ADCY2: variants seen among roughly 807,000 people sequenced by gnomAD.
The protein encoded by ADCY2 is adenylate cyclase 2.
A neutral mutation model predicts 125.2 loss-of-function variants in ADCY2; 31 were observed. The observed-to-expected ratio is 0.25, with a 90% CI of 0.19 to 0.33. The LOEUF is 0.33. ADCY2 is among the 10% of genes least tolerant of loss of function. The pLI, the probability that ADCY2 is intolerant of heterozygous loss-of-function variation, is 1.00. For synonymous variants in ADCY2, 512 were observed against 548.4 expected (o/e 0.93, Z 0.93); for missense variants, 904 against 1,418.2 (o/e 0.64, Z 5.82).
chr5:7,660,273 A>AAGGAAGGAAGGC (rs1739480526), intron 4 of ADCY2, among the ~76,000 whole-genome samples: 1 of 151,042 alleles, frequency 6.6e-6, no homozygotes. Context: ...GGAAGGAAGG[A>AAGGAAGGAAGGC]AGGAAGGAAG....
chr5:7,563,872 G>C (rs1735806614), intron 3 of ADCY2, among the ~76,000 whole-genome samples: 2 of 152,144 alleles, frequency 1.3e-5, no homozygotes, highest in South Asian at 4.1e-4. Flanking sequence ...CATAAATATT[G>C]ATTGTGTGAG....
chr5:7,628,841 T>C (rs2126660859), intron 4 of ADCY2, among the ~76,000 whole-genome samples: 1 of 149,892 alleles, frequency 6.7e-6, no homozygotes, highest in South Asian at 2.1e-4. Context: ...AAAAAAACCA[T>C]CAGTAAGATA....
chr5:7,708,906 A>G (rs1193247421), intron 9 of ADCY2, among the ~76,000 whole-genome samples: 1 of 152,218 alleles, frequency 6.6e-6, no homozygotes, highest in East Asian at 1.9e-4. Context: ...AAACACAACC[A>G]TCAAGAAAAA....
chr5:7,501,094 G>A (rs945856298), intron 2 of ADCY2, among the ~76,000 whole-genome samples: 1 of 146,012 alleles, frequency 6.8e-6, no homozygotes, highest in Non-Finnish European at 1.5e-5. Flanking sequence ...TTTTTTGTTC[G>A]CAAGTAACAG....
intron 18 of ADCY2, among the ~76,000 whole-genome samples, chr5:7,781,532 C>T (rs956047634): frequency 6.6e-6 from 1 of 152,134 alleles, no homozygotes; most frequent in African/African-American, 2.4e-5. Flanking sequence ...CTAAGAAAAG[C>T]CAATGATGGC....
intron 18 of ADCY2, among the ~76,000 whole-genome samples, chr5:7,780,611 GAT>G (rs1461602154): frequency 1.3e-5 from 2 of 152,170 alleles, no homozygotes; most frequent in East Asian, 3.9e-4. Flanking sequence ...GACCTGAGAA[GAT>G]ATGATTTTAC....
intron 3 of ADCY2, among the ~76,000 whole-genome samples, chr5:7,547,125 T>C (rs938950523): frequency 6.6e-6 from 1 of 152,156 alleles, no homozygotes; most frequent in African/African-American, 2.4e-5. Context: ...AAATAGGATG[T>C]TCCTCAAGGG....
At chr5:7,723,459 C>T (rs1265250393) in intron 12 of ADCY2, among the ~76,000 whole-genome samples, 1 of 152,084 alleles carries the variant, frequency 6.6e-6, no homozygotes, top group East Asian at 1.9e-4. Flanking sequence ...AAATTACTTG[C>T]TGAAAACAGA....
intron 4 of ADCY2, among the ~76,000 whole-genome samples, chr5:7,633,229 G>A (rs1377005625): frequency 3.3e-5 from 5 of 151,922 alleles, no homozygotes; most frequent in African/African-American, 4.8e-5. Flanking sequence ...TCAGGAGTTT[G>A]AGACCAGCCT....
intron 4 of ADCY2, among the ~76,000 whole-genome samples, chr5:7,678,270 G>C (rs988000591): frequency 6.6e-6 from 1 of 152,058 alleles, no homozygotes; most frequent in Non-Finnish European, 1.5e-5. Flanking sequence ...CATGTCTTCT[G>C]TCATGGCGTG....
chr5:7,407,915 C>T (rs1739561232), intron 1 of ADCY2, among the ~76,000 whole-genome samples: 2 of 148,772 alleles, frequency 1.3e-5, no homozygotes, highest in South Asian at 4.3e-4. Context: ...GTCGATCCAG[C>T]TGGAGTACAG....
chr5:7,623,569 G>C (rs1738026551), intron 3 of ADCY2, among the ~76,000 whole-genome samples: 2 of 152,192 alleles, frequency 1.3e-5, no homozygotes, highest in South Asian at 4.1e-4. Context: ...AGCCAGGAAG[G>C]TCATCAGGGC....
At chr5:7,813,156 C>G (rs575819851) in intron 22 of ADCY2, among the ~76,000 whole-genome samples, 1 of 152,158 alleles carries the variant, frequency 6.6e-6, no homozygotes, top group South Asian at 2.1e-4. Flanking sequence ...CCTAGAAGCC[C>G]GTCAGGAGAA....
intron 14 of ADCY2, among the ~76,000 whole-genome samples, chr5:7,739,280 A>G (rs920618481): frequency 1.5e-4 from 23 of 151,920 alleles, no homozygotes; most frequent in Admixed American, 3.3e-4. Context: ...AGAATATTTT[A>G]AAATATCCCC....
At chr5:7,775,122 TCAG>T (rs1221366099) in intron 18 of ADCY2, among the ~76,000 whole-genome samples, 1 of 151,946 alleles carries the variant, frequency 6.6e-6, no homozygotes, top group Non-Finnish European at 1.5e-5. Flanking sequence ...TTTTCCTGCT[TCAG>T]CCTCTCTAGT....
At chr5:7,682,478 T>G (rs1740372485) in intron 4 of ADCY2, among the ~76,000 whole-genome samples, 1 of 152,192 alleles carries the variant, frequency 6.6e-6, no homozygotes, top group Admixed American at 6.5e-5. Context: ...ATGATGGTTT[T>G]ATAAATTCGA....
intron 2 of ADCY2, among the ~76,000 whole-genome samples, chr5:7,423,091 AAAATT>A (rs1740271559): frequency 6.6e-6 from 1 of 152,244 alleles, no homozygotes; most frequent in Non-Finnish European, 1.5e-5. Context: ...ACACCTAAGA[AAAATT>A]AAACAGTAAT....
At chr5:7,591,783 A>G (rs1736855972) in intron 3 of ADCY2, among the ~76,000 whole-genome samples, 2 of 152,162 alleles carry the variant, frequency 1.3e-5, no homozygotes, top group Admixed American at 6.5e-5. Context: ...GTCATTGGAT[A>G]TTATGCCTCT....
chr5:7,700,221 A>AT (rs1013715364), intron 7 of ADCY2, among the ~76,000 whole-genome samples: 1 of 152,096 alleles, frequency 6.6e-6, no homozygotes, highest in African/African-American at 2.4e-5. Context: ...TGTATCTGTA[A>AT]TTTTTTTCAC....
Sources: allele counts gnomAD v4.1 joint callset (sites outside exome capture counted in the v4.1 genomes callset), GRCh38; gene constraint gnomAD v4.1.1; transcripts MANE v1.5; gene names NCBI Gene and HGNC (gene_info 2026-07-23, HGNC 2026-07-21).